The following TPRG1 variants were observed in gnomAD, a reference collection of about 807,000 sequenced individuals.
The protein encoded by TPRG1 is tumor protein p63 regulated 1.
In TPRG1, 29 loss-of-function variants were observed where a neutral mutation model predicts 29.3. The observed-to-expected ratio is 0.99, with a 90% CI of 0.74 to 1.35. The LOEUF (loss-of-function observed/expected upper bound fraction) is 1.35, where lower values mean the gene tolerates loss of function less well. TPRG1 is among the 40% of genes most tolerant of loss of function. The pLI, the probability that TPRG1 is intolerant of heterozygous loss-of-function variation, is 0.00. For missense variants in TPRG1, 327 were observed against 335.0 expected, an observed-to-expected ratio of 0.98 and a Z score of 0.19; for synonymous variants, 130 against 116.8, an observed-to-expected ratio of 1.11 and a Z score of -0.73.
At chr3:189,265,243 G>A (rs1309150983) in intron 4 of TPRG1, among the ~76,000 whole-genome samples, 1 of 152,106 alleles carries the variant, frequency 6.6e-6, no homozygotes, top group Non-Finnish European at 1.5e-5. Context: ...GGTAGTAAAG[G>A]GAGTCCCCTC....
intron 4 of TPRG1, among the ~76,000 whole-genome samples, chr3:189,036,350 G>A (rs899237294): frequency 2.0e-5 from 3 of 151,994 alleles, no homozygotes; most frequent in African/African-American, 7.2e-5. Context: ...TGGGTGACAG[G>A]ATCATTTGTA....
At chr3:189,018,051 TC>T (rs1713051037) in intron 3 of TPRG1, among the ~76,000 whole-genome samples, 1 of 152,158 alleles carries the variant, frequency 6.6e-6, no homozygotes. Flanking sequence ...TCTGTTCATG[TC>T]CTTTGCCCAC....
At chr3:189,169,313 C>T (rs1313215449), upstream of TPRG1, among the ~76,000 whole-genome samples, 10 of 152,034 alleles carry the variant, frequency 6.6e-5, no homozygotes, top group African/African-American at 1.7e-4. Context: ...TACAGGGGCC[C>T]GCCACTGCGC....
At chr3:189,200,360 G>A (rs1435231531) in intron 1 of TPRG1, among the ~76,000 whole-genome samples, 4 of 152,158 alleles carry the variant, frequency 2.6e-5, no homozygotes, top group African/African-American at 4.8e-5. Context: ...TTTATCCACC[G>A]CACATCCCTC....
intron 3 of TPRG1, among the ~76,000 whole-genome samples, chr3:189,223,426 T>C (rs763881918): frequency 4.6e-5 from 7 of 152,228 alleles, no homozygotes; most frequent in Non-Finnish European, 7.3e-5. Flanking sequence ...CCATTTATAC[T>C]GGGTGGGTGT....
At chr3:189,137,900 T>C (rs1020488249) in intron 3 of TPRG1, among the ~76,000 whole-genome samples, 5 of 152,216 alleles carry the variant, frequency 3.3e-5, no homozygotes, top group Admixed American at 6.5e-5. Context: ...CATTTGTCTC[T>C]GTGCCTCTCT....
intron 3 of TPRG1, among the ~76,000 whole-genome samples, chr3:189,017,358 T>C (rs1712998666): frequency 6.6e-6 from 1 of 152,120 alleles, no homozygotes; most frequent in Non-Finnish European, 1.5e-5. Context: ...TAGGTATATC[T>C]CCCAGTGCTA....
chr3:189,266,744 T>C (rs921951952), intron 4 of TPRG1, among the ~76,000 whole-genome samples: 7 of 142,358 alleles, frequency 4.9e-5, no homozygotes, highest in African/African-American at 2.0e-4. Flanking sequence ...TGTATTATTA[T>C]TGACCATCAG....
intron 4 of TPRG1, among the ~76,000 whole-genome samples, chr3:189,278,235 A>G: frequency 6.6e-6 from 1 of 152,158 alleles, no homozygotes; most frequent in East Asian, 1.9e-4. Context: ...AGGAGCAGTG[A>G]AGGGCCTGGG....
chr3:189,265,141 A>T (rs1221413567), intron 4 of TPRG1, among the ~76,000 whole-genome samples: 1 of 152,174 alleles, frequency 6.6e-6, no homozygotes, highest in African/African-American at 2.4e-5. Context: ...TGGTATTTTG[A>T]TTTGTATATG....
chr3:189,255,507 G>A (rs1271386697), intron 4 of TPRG1, among the ~76,000 whole-genome samples: 1 of 152,140 alleles, frequency 6.6e-6, no homozygotes, highest in African/African-American at 2.4e-5. Context: ...GCGTCTACCG[G>A]GTTTTGGTAT....
At chr3:189,055,616 CATATCAGA>C (rs1715617246) in intron 4 of TPRG1, among the ~76,000 whole-genome samples, 1 of 152,214 alleles carries the variant, frequency 6.6e-6, no homozygotes, top group Admixed American at 6.5e-5. Context: ...GAATATGTAA[CATATCAGA>C]CACTTCTTAT....
chr3:189,102,101 T>C (rs1719277521), intron 1 of TPRG1, among the ~76,000 whole-genome samples: 1 of 152,216 alleles, frequency 6.6e-6, no homozygotes. Flanking sequence ...GGTCATCCTT[T>C]TCATTCCACA....
At chr3:189,008,522 G>C (rs545093326) in intron 3 of TPRG1, among the ~76,000 whole-genome samples, 4 of 152,264 alleles carry the variant, frequency 2.6e-5, no homozygotes, top group African/African-American at 9.6e-5. Context: ...GTAGTTCACA[G>C]CCCAAGAATT....
intron 3 of TPRG1, among the ~76,000 whole-genome samples, chr3:189,220,181 GT>G (rs1736734715): frequency 6.6e-6 from 1 of 151,860 alleles, no homozygotes; most frequent in South Asian, 2.1e-4. Flanking sequence ...TGTTTTAATA[GT>G]TTTTCCTCTG....
At chr3:189,204,820 A>G (rs539007275) in intron 1 of TPRG1, among the ~76,000 whole-genome samples, 26 of 151,986 alleles carry the variant, frequency 1.7e-4, no homozygotes, top group African/African-American at 6.3e-4. Context: ...TCCTTCCAAC[A>G]CCCACTGTGA....
intron 4 of TPRG1, among the ~76,000 whole-genome samples, chr3:189,245,888 G>A (rs948587033): frequency 3.3e-5 from 5 of 152,022 alleles, no homozygotes; most frequent in Non-Finnish European, 5.9e-5. Context: ...CTGGTGAATT[G>A]AGCCTTTTTT....
chr3:189,044,108 A>G (rs1175646916), intron 4 of TPRG1, among the ~76,000 whole-genome samples: 2 of 152,176 alleles, frequency 1.3e-5, no homozygotes, highest in East Asian at 3.9e-4. Flanking sequence ...TTACTCTCTC[A>G]AATTAGTTCA....
intron 4 of TPRG1, among the ~76,000 whole-genome samples, chr3:189,076,884 G>T (rs1338319107): frequency 2.0e-5 from 3 of 151,220 alleles, no homozygotes; most frequent in Non-Finnish European, 4.4e-5. Flanking sequence ...ATTATATGCA[G>T]AAAAGTGGGC....
Sources: gnomAD v4.1 joint callset for allele counts (sites outside exome capture counted in the v4.1 genomes callset) on GRCh38, gnomAD v4.1.1 for gene constraint, MANE v1.5 for transcripts, NCBI Gene and HGNC (gene_info 2026-07-23, HGNC 2026-07-21) for gene names.